CXCL13: variants seen among roughly 807,000 people sequenced by gnomAD.
CXCL13 encodes the protein C-X-C motif chemokine 13.
In CXCL13, 7 loss-of-function variants were observed where a neutral mutation model predicts 12.2. The observed-to-expected ratio is 0.57, with a 90% CI of 0.33 to 1.07. The LOEUF (loss-of-function observed/expected upper bound fraction) is 1.07. Among genes scored for constraint, CXCL13 ranks in the 50% least tolerant of loss-of-function variants. The probability of loss-of-function intolerance (pLI) is 0.04; values close to 1 mark genes in which losing one functional copy is unlikely to be tolerated. For missense variants in CXCL13, 113 were observed against 127.4 expected (o/e 0.89, Z 0.55); for synonymous variants, 47 against 42.4 (o/e 1.11, Z -0.42).
intron 1 of CXCL13, among the ~76,000 whole-genome samples, chr4:77,571,166 C>G (rs1211120638): frequency 6.6e-6 from 1 of 151,988 alleles, no homozygotes; most frequent in Non-Finnish European, 1.5e-5. Context: ...ATATCTAGCT[C>G]AGGGATTGTA....
At chr4:77,574,655 T>C (rs528404326) in intron 1 of CXCL13, among the ~76,000 whole-genome samples, 1 of 152,074 alleles carries the variant, frequency 6.6e-6, no homozygotes, top group East Asian at 1.9e-4. Context: ...GATTATAGAA[T>C]GAGCTGATTG....
chr4:77,580,308 CTTTTTTTTTTTTTTTTTT>C (rs1015001550), intron 1 of CXCL13, among the ~76,000 whole-genome samples: 83 of 17,632 alleles, frequency 4.7e-3, no homozygotes, highest in Admixed American at 0.011. Flanking sequence ...AGTTTTCTTT[CTTTTTTTTTTTTTTTTTT>C]TTTTTTTTTT....
intron 1 of CXCL13, among the ~76,000 whole-genome samples, chr4:77,533,026 T>A (rs1724969335): frequency 7.3e-6 from 1 of 137,538 alleles, no homozygotes; most frequent in South Asian, 2.1e-4. Context: ...GAAGTCTTCT[T>A]CTCTCAAATC....
At position 77,530,725 on chromosome 4, in the gene CXCL13, G is replaced by A. The variant is rs193101717; in HGVS notation, c.-43+18937G>A. Among the ~76,000 whole-genome samples the A allele has an allele frequency of 1.8e-3, 268 of 152,202 alleles. 1 individual carries two copies. Among genetic ancestry groups the A allele is most frequent in the African/African-American group, 6.2e-3 (256 of 41,526 alleles). ...TTTTGTTGATCTTTTCAAAAAACCA[G>A]CTCCTGGATTCATTGATTTTTTGAA... On this transcript the variant is annotated intron_variant, in intron 1 of 4. Transcript: ENST00000286758.
At position 77,600,544 on chromosome 4, in the gene CXCL13, A is replaced by G. The variant is rs1560537424; in HGVS notation, c.-42-5280A>G. 2.6e-5 allele frequency among the ~76,000 whole-genome samples: 4 copies of G among 152,218 alleles called. No homozygotes were observed. The South Asian group carries it at 6.2e-4, about 24-fold the overall frequency. On this transcript the variant is annotated intron_variant, in intron 1 of 4. Coordinates refer to the CXCL13 transcript ENST00000286758. ...TGACTTATTATCTACATGACATATG[A>G]TTATATATGATGACATATGATTACA...
chr4:77,541,819 T>A (rs1725212533), intron 1 of CXCL13, among the ~76,000 whole-genome samples: 1 of 152,216 alleles, frequency 6.6e-6, no homozygotes, highest in African/African-American at 2.4e-5. Context: ...TATGGCCATT[T>A]TAATGATATT....
chr4:77,566,545 C>T (rs1489988000), intron 1 of CXCL13, among the ~76,000 whole-genome samples: 1 of 151,442 alleles, frequency 6.6e-6, no homozygotes, highest in Admixed American at 6.6e-5. Context: ...TAAACTTTAC[C>T]ATCAAACCTG....
At chr4:77,571,792 T>C (rs112510372) in intron 1 of CXCL13, among the ~76,000 whole-genome samples, 3,343 of 151,794 alleles carry the variant, frequency 0.022, 199 homozygotes, top group African/African-American at 0.076. Context: ...CTCTTTGCAA[T>C]AAATCTTGCT....
At chr4:77,533,559 G>C (rs1418075654) in intron 1 of CXCL13, among the ~76,000 whole-genome samples, 1 of 152,150 alleles carries the variant, frequency 6.6e-6, no homozygotes, top group Non-Finnish European at 1.5e-5. Flanking sequence ...TGTCTTCAAG[G>C]CTATCAGACA....
intron 1 of CXCL13, among the ~76,000 whole-genome samples, chr4:77,568,343 C>T (rs748620780): frequency 6.4e-4 from 97 of 152,282 alleles, no homozygotes; most frequent in Middle Eastern, 3.4e-3. Context: ...GTCTGGGTGC[C>T]CCATAGCAGC....
rs1727141808 is a variant in CXCL13 at position 77,611,131 on chromosome 4, A to G, written c.*92A>G. The G allele has an allele frequency of 1.9e-6, 2 of 1,080,414 alleles. No individual in the cohort carries two copies. The highest frequency in any genetic ancestry group is 2.7e-6 in the Non-Finnish European group (2 of 729,408). The allele number at this position is 1,080,414 out of a possible 1,614,324, so 66.9% of individuals were successfully genotyped here. A position where few individuals can be genotyped will look rare whatever the true frequency, so the allele number is the denominator to read the frequency against. On this transcript the variant is annotated 3_prime_UTR_variant, in exon 4 of 4. Transcript: ENST00000682537. ...CTTAGTTAAATCTTTTCCAGGAAAAAGAACTTCCCCATACAAATAAGCATG... is the reference window on the plus strand; with the variant it reads ...CTTAGTTAAATCTTTTCCAGGAAAAGGAACTTCCCCATACAAATAAGCATG...
intron 1 of CXCL13, among the ~76,000 whole-genome samples, chr4:77,563,277 A>C (rs558116285): frequency 2.8e-4 from 43 of 152,210 alleles, no homozygotes; most frequent in African/African-American, 9.9e-4. Context: ...AGCAGTTCTC[A>C]AGCAAAGACC....
intron 1 of CXCL13, among the ~76,000 whole-genome samples, chr4:77,580,185 A>ACTT (rs946388622): frequency 1.3e-5 from 2 of 151,996 alleles, no homozygotes; most frequent in African/African-American, 4.8e-5. Flanking sequence ...AAAAGCCCTG[A>ACTT]CTTGACTGCC....
chr4:77,558,221 G>A (rs770139257), intron 1 of CXCL13, among the ~76,000 whole-genome samples: 1 of 152,230 alleles, frequency 6.6e-6, no homozygotes, highest in Non-Finnish European at 1.5e-5. Context: ...CTTAACCCTA[G>A]GTATAGGCCC....
chr4:77,548,565 C>A (rs979175899), intron 1 of CXCL13, among the ~76,000 whole-genome samples: 1 of 152,170 alleles, frequency 6.6e-6, no homozygotes, highest in Non-Finnish European at 1.5e-5. Context: ...ATAATTAGTA[C>A]ATGAGAAAAA....
intron 1 of CXCL13, among the ~76,000 whole-genome samples, chr4:77,539,870 G>A (rs1262432670): frequency 6.6e-6 from 1 of 152,050 alleles, no homozygotes; most frequent in Admixed American, 6.6e-5. Context: ...GGGGTAGGGG[G>A]GGAATCCCTA....
chr4:77,549,293 A>G (rs1725451253), intron 1 of CXCL13, among the ~76,000 whole-genome samples: 1 of 152,156 alleles, frequency 6.6e-6, no homozygotes, highest in Non-Finnish European at 1.5e-5. Flanking sequence ...ATGTTCCTTT[A>G]GCTCGGAGAA....
At chr4:77,547,932 T>C (rs2109805129) in intron 1 of CXCL13, among the ~76,000 whole-genome samples, 1 of 152,284 alleles carries the variant, frequency 6.6e-6, no homozygotes, top group South Asian at 2.1e-4. Flanking sequence ...GGCCTGGTGG[T>C]GACAAAATTT....
intron 1 of CXCL13, among the ~76,000 whole-genome samples, chr4:77,585,612 A>T (rs1404952889): frequency 1.3e-5 from 2 of 152,208 alleles, no homozygotes; most frequent in African/African-American, 4.8e-5. Context: ...CACCAGTCTC[A>T]GAGAGACGCT....
Sources: gnomAD v4.1 joint callset for allele counts (sites outside exome capture counted in the v4.1 genomes callset) on GRCh38, gnomAD v4.1.1 for gene constraint, MANE v1.5 for transcripts, NCBI Gene and HGNC (gene_info 2026-07-23, HGNC 2026-07-21) for gene names.